Variants in DGKI observed in about 807,000 individuals in gnomAD.
DGKI encodes the protein DAG kinase iota.
DGKI carries 55 observed loss-of-function variants against 147.5 expected under a neutral mutation model. The ratio of observed to expected loss-of-function variants is 0.37; its 90% confidence interval spans 0.30 to 0.47. The LOEUF (loss-of-function observed/expected upper bound fraction) is 0.47. Among genes scored for constraint, DGKI ranks in the 20% least tolerant of loss-of-function variants. The pLI, the probability that DGKI is intolerant of heterozygous loss-of-function variation, is 1.00. For synonymous variants in DGKI, 469 were observed against 477.1 expected (o/e 0.98, Z 0.22); for missense variants, 1,007 against 1,323.8 (o/e 0.76, Z 3.71).
intron 28 of DGKI, among the ~76,000 whole-genome samples, chr7:137,438,697 TAGC>T (rs1813376377): frequency 6.6e-6 from 1 of 152,172 alleles, no homozygotes. Context: ...AAATATTCAT[TAGC>T]AGATTGGATA....
At chr7:137,594,154 C>G (rs932589102) in intron 12 of DGKI, among the ~76,000 whole-genome samples, 2 of 152,216 alleles carry the variant, frequency 1.3e-5, no homozygotes, top group Non-Finnish European at 2.9e-5. Flanking sequence ...TCAAGTGATT[C>G]TCCTGCCTCA....
At chr7:137,751,417 C>CT (rs1010152775) in intron 1 of DGKI, among the ~76,000 whole-genome samples, 11 of 152,222 alleles carry the variant, frequency 7.2e-5, no homozygotes, top group African/African-American at 2.7e-4. Context: ...CTCATAGCAC[C>CT]TGAAAAGCTA....
chr7:137,412,137 C>A (rs763561798), intron 29 of DGKI, 33 bp downstream of exon 29: 1 of 1,600,536 alleles, frequency 6.2e-7, no homozygotes, highest in African/African-American at 1.3e-5. Flanking sequence ...GTTCTTAAAG[C>A]ATCGCCAAAG....
chr7:137,514,105 G>C (rs961730762), intron 21 of DGKI, among the ~76,000 whole-genome samples: 9 of 152,064 alleles, frequency 5.9e-5, no homozygotes, highest in African/African-American at 2.2e-4. Context: ...GACCCACCTT[G>C]CTCATGAACA....
chr7:137,481,037 T>C (rs977686935), intron 23 of DGKI, among the ~76,000 whole-genome samples: 1 of 152,128 alleles, frequency 6.6e-6, no homozygotes, highest in African/African-American at 2.4e-5. Context: ...TTCTCATTTA[T>C]GTACTGAGAA....
At chr7:137,539,221 T>A (rs1180890174) in intron 20 of DGKI, among the ~76,000 whole-genome samples, 1 of 152,166 alleles carries the variant, frequency 6.6e-6, no homozygotes, top group Non-Finnish European at 1.5e-5. Flanking sequence ...TTGCTTCTTT[T>A]TCTTTCTGTT....
At chr7:137,648,207 T>C (rs1357772430) in intron 5 of DGKI, among the ~76,000 whole-genome samples, 3 of 152,200 alleles carry the variant, frequency 2.0e-5, no homozygotes, top group African/African-American at 4.8e-5. Flanking sequence ...AACAATATCA[T>C]TGATGGTCAG....
At chr7:137,764,579 C>T (rs945555594) in intron 1 of DGKI, among the ~76,000 whole-genome samples, 3 of 152,188 alleles carry the variant, frequency 2.0e-5, no homozygotes, top group African/African-American at 7.2e-5. Context: ...AGGCAGACCA[C>T]TCACCACCCC....
At chr7:137,713,806 TTATC>T (rs1265150069) in intron 1 of DGKI, among the ~76,000 whole-genome samples, 9 of 152,160 alleles carry the variant, frequency 5.9e-5, no homozygotes, top group Non-Finnish European at 1.3e-4. Flanking sequence ...CATCTCTGAC[TTATC>T]TATTTATTTG....
At chr7:137,409,071 A>C (rs1036014420) in intron 29 of DGKI, among the ~76,000 whole-genome samples, 4 of 152,220 alleles carry the variant, frequency 2.6e-5, no homozygotes, top group African/African-American at 9.6e-5. Flanking sequence ...AGTTAATAAT[A>C]TATTAAATAG....
chr7:137,760,016 TGAGACACACAGATAGACTGAGGC>T (rs1289518875), intron 1 of DGKI, among the ~76,000 whole-genome samples: 1 of 152,146 alleles, frequency 6.6e-6, no homozygotes, highest in Non-Finnish European at 1.5e-5. Context: ...ATATGTACCC[TGAGACACACAGATAGACTGAGGC>T]AATTGAGGCA....
intron 5 of DGKI, among the ~76,000 whole-genome samples, chr7:137,646,872 CTGAGAAGCA>C (rs1821843911): frequency 6.6e-6 from 1 of 152,162 alleles, no homozygotes; most frequent in Non-Finnish European, 1.5e-5. Context: ...CAAGAAACCA[CTGAGAAGCA>C]TTAGCATTAT....
chr7:137,491,203 G>A (rs1312748095), intron 21 of DGKI, among the ~76,000 whole-genome samples: 1 of 152,168 alleles, frequency 6.6e-6, no homozygotes, highest in Non-Finnish European at 1.5e-5. Context: ...GTTAAAGGAG[G>A]TGGTTAAGAT....
chr7:137,394,954 C>T (rs1178177995), intron 32 of DGKI, among the ~76,000 whole-genome samples: 1 of 152,194 alleles, frequency 6.6e-6, no homozygotes, highest in Non-Finnish European at 1.5e-5. Flanking sequence ...GTATGTGTAA[C>T]TTTCTCTAGG....
intron 1 of DGKI, among the ~76,000 whole-genome samples, chr7:137,820,183 G>C: frequency 6.6e-6 from 1 of 152,092 alleles, no homozygotes; most frequent in East Asian, 1.9e-4. Context: ...ATGAGATACA[G>C]AGAAAAAAGA....
At chr7:137,642,421 A>T (rs1821662669) in intron 6 of DGKI, among the ~76,000 whole-genome samples, 1 of 152,202 alleles carries the variant, frequency 6.6e-6, no homozygotes, top group South Asian at 2.1e-4. Context: ...GACATTAGTC[A>T]CAGTGTTCTC....
At chr7:137,404,460 A>T (rs770057702) in intron 30 of DGKI, among the ~76,000 whole-genome samples, 1 of 152,244 alleles carries the variant, frequency 6.6e-6, no homozygotes, top group Non-Finnish European at 1.5e-5. Flanking sequence ...CTATAGTAGT[A>T]AAGTGTTAAA....
chr7:137,411,352 C>T (rs186429018), intron 29 of DGKI, among the ~76,000 whole-genome samples: 29 of 76,054 alleles, frequency 3.8e-4, no homozygotes, highest in Admixed American at 3.4e-3. Flanking sequence ...GTATTTCCAC[C>T]ATGTTTAGCT....
At chr7:137,462,604 C>A (rs1814489032) in intron 27 of DGKI, among the ~76,000 whole-genome samples, 1 of 152,190 alleles carries the variant, frequency 6.6e-6, no homozygotes, top group Non-Finnish European at 1.5e-5. Context: ...TCCTTTGCCT[C>A]TTTAGTTAAC....
Sources: allele counts gnomAD v4.1 joint callset (sites outside exome capture counted in the v4.1 genomes callset), GRCh38; gene constraint gnomAD v4.1.1; transcripts MANE v1.5; gene names NCBI Gene and HGNC (gene_info 2026-07-23, HGNC 2026-07-21).